TMEM131: variants seen among roughly 807,000 people sequenced by gnomAD.
TMEM131 encodes 2610524E03Rik.
TMEM131 carries 66 observed loss-of-function variants against 211.6 expected under a neutral mutation model. That is an observed-to-expected ratio of 0.31 (90% CI 0.26 to 0.38). TMEM131 has a LOEUF of 0.38. Ranked by LOEUF, TMEM131 falls within the 10% of genes least tolerant of loss-of-function variation. The pLI is 1.00. For synonymous variants in TMEM131, 844 were observed against 841.3 expected (o/e 1.00, Z -0.06); for missense variants, 2,036 against 2,299.3 (o/e 0.89, Z 2.34).
intron 1 of TMEM131, among the ~76,000 whole-genome samples, chr2:97,959,028 A>G (rs1678693307): frequency 6.6e-6 from 1 of 152,218 alleles, no homozygotes; most frequent in African/African-American, 2.4e-5. Context: ...AAGAGGACAG[A>G]GGGGCAGAGA....
chr2:97,886,446 G>A (rs1307413167), intron 4 of TMEM131, among the ~76,000 whole-genome samples: 1 of 152,054 alleles, frequency 6.6e-6, no homozygotes, highest in East Asian at 1.9e-4. Flanking sequence ...AATGGGTCTT[G>A]GAGTGTCAGA....
intron 32 of TMEM131, among the ~76,000 whole-genome samples, chr2:97,775,172 A>C (rs1376402979): frequency 6.6e-6 from 1 of 152,242 alleles, no homozygotes; most frequent in Non-Finnish European, 1.5e-5. Flanking sequence ...TCACAGCAGT[A>C]ATCTGACCCC....
chr2:97,892,116 G>A (rs2104284361), intron 3 of TMEM131, among the ~76,000 whole-genome samples: 1 of 152,176 alleles, frequency 6.6e-6, no homozygotes, highest in South Asian at 2.1e-4. Flanking sequence ...TTTTTAATTT[G>A]CACTTCCCTA....
intron 36 of TMEM131, chr2:97,761,677 T>C: frequency 5.5e-6 from 1 of 181,482 alleles, no homozygotes; most frequent in Non-Finnish European, 1.2e-5. Flanking sequence ...CCAAAATTAG[T>C]GTCACATAAA....
At position 97,853,700 on chromosome 2, in the gene TMEM131, T is replaced by C. The variant is rs148288086; in HGVS notation, c.483+5604A>G. On this transcript the variant is annotated intron_variant, in intron 5 of 40. Transcript: ENST00000186436. The stretch of plus-strand genomic sequence containing the variant: ...TGGAAGAAGTTAATCCCAACCCTTA[T>C]GGATGACTTTGAAGGAAGGGTTCAA... Among the ~76,000 whole-genome samples the C allele has an allele frequency of 7.9e-5, 12 of 152,048 alleles. No individual in the cohort carries two copies. In the East Asian group the frequency reaches 1.9e-3, roughly 25 times the overall value.
chr2:97,774,035 T>A (rs1377020557), intron 32 of TMEM131, among the ~76,000 whole-genome samples: 1 of 152,152 alleles, frequency 6.6e-6, no homozygotes, highest in Non-Finnish European at 1.5e-5. Context: ...CCCAAGAGCT[T>A]TAAAATTTAT....
intron 31 of TMEM131, among the ~76,000 whole-genome samples, chr2:97,777,084 A>G (rs2104823337): frequency 6.6e-6 from 1 of 152,340 alleles, no homozygotes; most frequent in African/African-American, 2.4e-5. Flanking sequence ...CTGGGAACAT[A>G]GTAGCAAACA....
At chr2:97,818,950 G>C (rs1681980474) in intron 11 of TMEM131, among the ~76,000 whole-genome samples, 1 of 152,188 alleles carries the variant, frequency 6.6e-6, no homozygotes, top group South Asian at 2.1e-4. Flanking sequence ...TGACAGATTT[G>C]TAAGTGTAAG....
intron 2 of TMEM131, among the ~76,000 whole-genome samples, chr2:97,915,162 T>C (rs1159294622): frequency 6.6e-6 from 1 of 152,032 alleles, no homozygotes; most frequent in African/African-American, 2.4e-5. Flanking sequence ...TGTGTGCTCA[T>C]CTCTTTTCCC....
chr2:97,772,536 ACGTAAAAACAAACT>A lies in TMEM131; in HGVS notation c.4321-126_4321-113del. On this transcript the variant is annotated intron_variant, in intron 32 of 40. Coordinates refer to ENST00000186436, the MANE Select transcript of TMEM131 (RefSeq NM_015348.2). ...AGATGTAAAAATATACACATCATATACGTAAAAACAAACTCGTTTCTTCAAATCTGTCTTCACTG... is the reference window on the plus strand; with the variant it reads ...AGATGTAAAAATATACACATCATATACGTTTCTTCAAATCTGTCTTCACTG... 2.5e-6 allele frequency: 3 copies of A among 1,218,954 alleles called. No homozygotes were observed. In the East Asian group the frequency reaches 7.6e-5, roughly 31 times the overall value. 75.5% of individuals were successfully genotyped at this position (1,218,954 alleles called of 1,614,324 possible). A position where few individuals can be genotyped will look rare whatever the true frequency, so the allele number is the denominator to read the frequency against.
At position 97,757,521 on chromosome 2, in the gene TMEM131, A is replaced by T. The variant is rs1210948911; in HGVS notation, c.5368-138T>A. 4.0e-6 allele frequency: 4 copies of T among 989,818 alleles called. No individual in the cohort carries two copies. The African/African-American group carries it at 6.6e-5, about 16-fold the overall frequency. The allele number at this position is 989,818 out of a possible 1,614,324, so 61.3% of individuals were successfully genotyped here. A position where few individuals can be genotyped will look rare whatever the true frequency, so the allele number is the denominator to read the frequency against. On this transcript the variant is annotated intron_variant, in intron 40 of 40. Coordinates refer to ENST00000186436, the MANE Select transcript of TMEM131 (RefSeq NM_015348.2). The stretch of plus-strand genomic sequence containing the variant: ...GTTTACTTTAGAACAAATGTTATAT[A>T]TATGTATTTGAGCAGATGTTTCTGA...
chr2:97,760,005 A>AT (rs149560303), intron 38 of TMEM131: 36,472 of 413,944 alleles, frequency 0.088, 2,125 homozygotes, highest in African/African-American at 0.15. Context: ...AGAAACAGAC[A>AT]TTTTTTCCTT....
chr2:97,917,996 G>C (rs933794983), intron 2 of TMEM131, among the ~76,000 whole-genome samples: 2 of 151,386 alleles, frequency 1.3e-5, no homozygotes, highest in African/African-American at 4.9e-5. Context: ...ACTGAGGCTG[G>C]AGTGCAGTGG....
chr2:97,814,736 C>T (rs1425226142), intron 13 of TMEM131, among the ~76,000 whole-genome samples: 2 of 152,138 alleles, frequency 1.3e-5, no homozygotes, highest in Admixed American at 6.5e-5. Flanking sequence ...GAGTATTAAA[C>T]TACTATTGGT....
At chr2:97,852,159 CTCTT>C (rs1362495798) in intron 5 of TMEM131, among the ~76,000 whole-genome samples, 122 of 106,616 alleles carry the variant, frequency 1.1e-3, no homozygotes, top group African/African-American at 4.9e-3. Flanking sequence ...CCACGGCATT[CTCTT>C]TTTTTTTTTT....
chr2:97,914,442 G>T (rs1020560221), intron 2 of TMEM131, among the ~76,000 whole-genome samples: 1 of 152,120 alleles, frequency 6.6e-6, no homozygotes, highest in South Asian at 2.1e-4. Flanking sequence ...AATTTTCTCT[G>T]CTGTGTAGGT....
At chr2:97,922,444 C>G (rs1451378806) in intron 2 of TMEM131, among the ~76,000 whole-genome samples, 1 of 152,034 alleles carries the variant, frequency 6.6e-6, no homozygotes, top group South Asian at 2.1e-4. Context: ...TTATTCTTAA[C>G]AGCAAAAAAC....
intron 4 of TMEM131, among the ~76,000 whole-genome samples, chr2:97,883,856 T>A (rs1675033054): frequency 6.6e-6 from 1 of 152,182 alleles, no homozygotes; most frequent in African/African-American, 2.4e-5. Context: ...TATGGTTAGA[T>A]TTTTGTAACT....
At chr2:97,794,792 G>T (rs928966189) in intron 29 of TMEM131, 138 bp downstream of exon 29, 1 of 630,754 alleles carries the variant, frequency 1.6e-6, no homozygotes, top group African/African-American at 1.9e-5. Context: ...CCACCAGTCT[G>T]TGAGATTGAT....
Sources: allele counts gnomAD v4.1 joint callset (sites outside exome capture counted in the v4.1 genomes callset), GRCh38; gene constraint gnomAD v4.1.1; transcripts MANE v1.5; gene names NCBI Gene and HGNC (gene_info 2026-07-23, HGNC 2026-07-21).